The following PTPRT variants were observed in gnomAD, a reference collection of about 807,000 sequenced individuals.
The protein encoded by PTPRT is protein tyrosine phosphatase receptor type T.
PTPRT carries 56 observed loss-of-function variants against 176.8 expected under a neutral mutation model. The observed-to-expected ratio is 0.32, with a 90% confidence interval of 0.26 to 0.40. The LOEUF (loss-of-function observed/expected upper bound fraction) is 0.40, where lower values mean the gene tolerates loss of function less well. PTPRT is among the 10% of genes least tolerant of loss of function. The pLI is 1.00. For synonymous variants in PTPRT, 783 were observed against 739.0 expected, an observed-to-expected ratio of 1.06 and a Z score of -0.96; for missense variants, 1,540 against 1,908.2, an observed-to-expected ratio of 0.81 and a Z score of 3.60.
At chr20:42,849,279 T>A (rs2078430541) in intron 2 of PTPRT, among the ~76,000 whole-genome samples, 1 of 152,184 alleles carries the variant, frequency 6.6e-6, no homozygotes, top group African/African-American at 2.4e-5. Context: ...GAAGTCCCAC[T>A]TTCTCTTAAA....
intron 7 of PTPRT, among the ~76,000 whole-genome samples, chr20:42,655,855 A>C (rs1380612670): frequency 1.3e-5 from 2 of 152,216 alleles, no homozygotes; most frequent in African/African-American, 2.4e-5. Flanking sequence ...AGGTAGGAAA[A>C]GTAGTCAGGC....
intron 1 of PTPRT, among the ~76,000 whole-genome samples, chr20:42,957,237 C>T (rs969937265): frequency 3.3e-5 from 5 of 152,090 alleles, no homozygotes; most frequent in African/African-American, 1.2e-4. Context: ...TGCCAAAGGT[C>T]GAGTGGCAGT....
chr20:42,170,733 AAAC>A (rs1454183242), intron 16 of PTPRT, among the ~76,000 whole-genome samples: 2 of 152,226 alleles, frequency 1.3e-5, no homozygotes, highest in African/African-American at 4.8e-5. Context: ...AGAGAAAAGA[AAAC>A]AAACATATAA....
chr20:42,569,608 G>A (rs2073119319), intron 7 of PTPRT, among the ~76,000 whole-genome samples: 1 of 152,058 alleles, frequency 6.6e-6, no homozygotes, highest in Non-Finnish European at 1.5e-5. Context: ...ACCAGTCCAT[G>A]CACTTTCTGA....
At chr20:42,336,427 G>C (rs2058040507) in intron 11 of PTPRT, among the ~76,000 whole-genome samples, 1 of 152,154 alleles carries the variant, frequency 6.6e-6, no homozygotes, top group East Asian at 1.9e-4. Flanking sequence ...GCACAGGACT[G>C]GGGGAGGGGG....
chr20:42,375,352 G>A (rs2058638234), intron 9 of PTPRT, among the ~76,000 whole-genome samples: 1 of 152,180 alleles, frequency 6.6e-6, no homozygotes, highest in African/African-American at 2.4e-5. Context: ...CTGAATTCAT[G>A]TTCAAACTTA....
chr20:42,085,830 C>T lies in PTPRT; in HGVS notation c.3870G>A (p.Glu1290=), dbSNP rs541344294. Residue 1290 remains glutamate (E), a synonymous_variant, in exon 28 of 31, where the codon GAG becomes GAA. Coordinates refer to ENST00000373187, the MANE Select transcript of PTPRT (RefSeq NM_007050.6). ...TAQFCMQYWP[E]KTSGCYGPIQ... is the part of the protein sequence containing the mutation. ...TGGGCCCATAGCACCCGGAGGTCTT[C>T]TCAGGCCAGTACTGCATACAGAACT... 6.2e-7 allele frequency: 1 copy of T among 1,613,472 alleles called. No homozygotes were observed. The highest frequency in any genetic ancestry group is 8.5e-7 in the Non-Finnish European group (1 of 1,179,352).
Position 42,648,829 on chromosome 20 carries a change from T to TTTGTTTTTTTTTTTG in PTPRT, c.1153+29036_1153+29037insCAAAAAAAAAAACAA, listed in dbSNP as rs1569054326. ...TTTTTTTGGTGTCGTTGTTTTTTTT[T>TTTGTTTTTTTTTTTG]TTTTTTTTTGACAGAGTCTGGCTCT... On this transcript the variant is annotated intron_variant, in intron 7 of 30. Coordinates refer to ENST00000373187, the MANE Select transcript of PTPRT (RefSeq NM_007050.6). Among the ~76,000 whole-genome samples, 7 of 146,882 alleles carry TTTGTTTTTTTTTTTG rather than the reference T, an allele frequency of 4.8e-5. 1 individual carries two copies. Among genetic ancestry groups the TTTGTTTTTTTTTTTG allele is most frequent in the African/African-American group, 1.8e-4 (7 of 38,224 alleles).
intron 24 of PTPRT, among the ~76,000 whole-genome samples, chr20:42,106,010 C>T (rs765954717): frequency 1.3e-5 from 2 of 152,080 alleles, no homozygotes; most frequent in African/African-American, 4.8e-5. Flanking sequence ...GTGGTTCTGG[C>T]GAAAAAGCAG....
chr20:43,093,581 A>G (rs547602255), intron 1 of PTPRT, among the ~76,000 whole-genome samples: 2 of 152,230 alleles, frequency 1.3e-5, no homozygotes, highest in Non-Finnish European at 2.9e-5. Flanking sequence ...TTCTGGGCCC[A>G]GTCTTCCAAT....
chr20:42,566,558 A>G (rs924837485), intron 7 of PTPRT, among the ~76,000 whole-genome samples: 2 of 152,190 alleles, frequency 1.3e-5, no homozygotes, highest in Admixed American at 1.3e-4. Context: ...GCCCTGCCCT[A>G]AAGTGCCTTG....
At chr20:42,742,777 A>T (rs138271157) in intron 6 of PTPRT, among the ~76,000 whole-genome samples, 1 of 152,182 alleles carries the variant, frequency 6.6e-6, no homozygotes, top group Non-Finnish European at 1.5e-5. Context: ...TATTTCACTG[A>T]TCCTCAGAAA....
intron 6 of PTPRT, among the ~76,000 whole-genome samples, chr20:42,738,536 C>A (rs572701953): frequency 6.6e-6 from 1 of 152,020 alleles, no homozygotes; most frequent in African/African-American, 2.4e-5. Flanking sequence ...GACATTCTTA[C>A]CACTCTCTAA....
chr20:42,091,509 T>C lies in PTPRT; in HGVS notation c.3847-5656A>G, dbSNP rs116237121. Among the ~76,000 whole-genome samples, 1,060 of 152,282 alleles carry C rather than the reference T, an allele frequency of 7.0e-3. 15 individuals are homozygous for C. Among genetic ancestry groups the C allele is most frequent in the African/African-American group, 0.024 (1,015 of 41,554 alleles). ...TTGATAAAATGGAAAGGCCAAGTAA[T>C]ATCATCACGTTAGAAATAAAGGACT... On this transcript the variant is annotated intron_variant, in intron 27 of 30. Transcript: ENST00000373187.
At chr20:42,399,789 A>G (rs1350785587) in intron 9 of PTPRT, among the ~76,000 whole-genome samples, 1 of 152,216 alleles carries the variant, frequency 6.6e-6, no homozygotes, top group African/African-American at 2.4e-5. Context: ...TTGCACAAGT[A>G]CTACAACAAT....
At chr20:42,326,578 TA>T (rs1313557818) in intron 11 of PTPRT, among the ~76,000 whole-genome samples, 1 of 152,104 alleles carries the variant, frequency 6.6e-6, no homozygotes, top group East Asian at 1.9e-4. Context: ...TAGAGTCCTT[TA>T]AAAATAGCTA....
At chr20:42,282,379 A>G (rs930695118) in intron 13 of PTPRT, 110 bp downstream of exon 13, 31 of 1,149,230 alleles carry the variant, frequency 2.7e-5, no homozygotes, top group Non-Finnish European at 3.3e-5. Context: ...GAAAATAACA[A>G]TTCTTTCTTG....
intron 17 of PTPRT, among the ~76,000 whole-genome samples, chr20:42,145,738 C>G (rs566676601): frequency 1.3e-4 from 20 of 152,276 alleles, no homozygotes; most frequent in African/African-American, 3.9e-4. Context: ...GAGCCATGTT[C>G]TACAACTTAG....
chr20:42,258,479 A>T (rs2146954162), intron 13 of PTPRT, among the ~76,000 whole-genome samples: 1 of 152,280 alleles, frequency 6.6e-6, no homozygotes, highest in South Asian at 2.1e-4. Flanking sequence ...TCTATATAAT[A>T]CCTTTATTGA....
Sources: gnomAD v4.1 joint callset for allele counts (sites outside exome capture counted in the v4.1 genomes callset) on GRCh38, gnomAD v4.1.1 for gene constraint, MANE v1.5 for transcripts, NCBI Gene and HGNC (gene_info 2026-07-23, HGNC 2026-07-21) for gene names.